CTDSPL2: variants seen among roughly 807,000 people sequenced by gnomAD.
CTDSPL2 encodes CTD small phosphatase-like protein 2.
A neutral mutation model predicts 60.0 loss-of-function variants in CTDSPL2; 5 were observed. The ratio of observed to expected loss-of-function variants is 0.08; its 90% CI spans 0.04 to 0.18. The LOEUF (loss-of-function observed/expected upper bound fraction) is 0.18, where lower values mean the gene tolerates loss of function less well. Ranked by LOEUF, CTDSPL2 falls within the 10% of genes least tolerant of loss-of-function variation. The probability of loss-of-function intolerance (pLI) is 1.00; values close to 1 mark genes in which losing one functional copy is unlikely to be tolerated. For synonymous variants in CTDSPL2, 186 were observed against 189.3 expected, an observed-to-expected ratio of 0.98 and a Z score of 0.14; for missense variants, 370 against 548.8, an observed-to-expected ratio of 0.67 and a Z score of 3.26.
At chr15:44,457,808 C>A (rs913677516) in intron 1 of CTDSPL2, among the ~76,000 whole-genome samples, 1 of 152,188 alleles carries the variant, frequency 6.6e-6, no homozygotes, top group Non-Finnish European at 1.5e-5. Flanking sequence ...GACAGGGTTT[C>A]TCCATGTTGG....
intron 1 of CTDSPL2, among the ~76,000 whole-genome samples, chr15:44,441,817 A>C (rs2080093718): frequency 6.6e-6 from 1 of 152,144 alleles, no homozygotes; most frequent in Non-Finnish European, 1.5e-5. Context: ...AACCCAGTTA[A>C]TTTAGAAGAA....
intron 8 of CTDSPL2, among the ~76,000 whole-genome samples, chr15:44,506,025 C>CTTTTTTTTTTTTTGTTTTTTTT: frequency 8.5e-6 from 1 of 117,580 alleles, no homozygotes; most frequent in East Asian, 2.7e-4. Flanking sequence ...TCATTGGTAA[C>CTTTTTTTTTTTTTGTTTTTTTT]TTTTTTTTTT....
chr15:44,472,511 G>T lies in CTDSPL2; in HGVS notation c.187-11713G>T, dbSNP rs557306000. Among the ~76,000 whole-genome samples, 5 of 146,934 alleles carry T rather than the reference G, an allele frequency of 3.4e-5. No individual in the cohort carries two copies. In the South Asian group the frequency reaches 1.1e-3, roughly 32 times the overall value. On this transcript the variant is annotated intron_variant, in intron 2 of 12. Coordinates refer to ENST00000260327, the MANE Select transcript of CTDSPL2 (RefSeq NM_016396.3). ...TAGAGAAATGTCTGGTATTTTAATT[G>T]TATTATTTTTATTATTGAATTGTAA...
chr15:44,452,440 G>A (rs918267778), intron 1 of CTDSPL2, among the ~76,000 whole-genome samples: 1 of 152,020 alleles, frequency 6.6e-6, no homozygotes, highest in Admixed American at 6.6e-5. Flanking sequence ...CTGTTTTGGG[G>A]CATTTTTGTT....
chr15:44,521,692 A>C (rs1233787925), intron 12 of CTDSPL2, among the ~76,000 whole-genome samples: 1 of 151,958 alleles, frequency 6.6e-6, no homozygotes, highest in African/African-American at 2.4e-5. Context: ...TAATCCCAGC[A>C]CTTTGGGAGG....
chr15:44,512,419 G>C (rs1034317278), intron 8 of CTDSPL2, among the ~76,000 whole-genome samples: 1 of 152,152 alleles, frequency 6.6e-6, no homozygotes, highest in Admixed American at 6.6e-5. Flanking sequence ...ACAAGTAAAA[G>C]GTTCTGATAG....
At chr15:44,430,228 A>G (rs2079829402) in intron 1 of CTDSPL2, among the ~76,000 whole-genome samples, 1 of 152,188 alleles carries the variant, frequency 6.6e-6, no homozygotes, top group Non-Finnish European at 1.5e-5. Flanking sequence ...CTGGATTTGT[A>G]GCTATAGATT....
intron 6 of CTDSPL2, 47 bp downstream of exon 6, chr15:44,496,505 G>T: frequency 3.6e-6 from 5 of 1,393,746 alleles, no homozygotes; most frequent in Non-Finnish European, 5.1e-6. Flanking sequence ...GGAGCATGAT[G>T]AGAGTACGTT....
chr15:44,514,687 T>C (rs1235825143), intron 9 of CTDSPL2, 27 bp downstream of exon 9: 2 of 1,558,244 alleles, frequency 1.3e-6, no homozygotes, highest in Admixed American at 1.7e-5. Context: ...TAATTACATA[T>C]GTATTTTTAT....
At chr15:44,469,955 G>T (rs188165265) in intron 2 of CTDSPL2, among the ~76,000 whole-genome samples, 4 of 151,870 alleles carry the variant, frequency 2.6e-5, no homozygotes, top group Non-Finnish European at 5.9e-5. Context: ...AAAATTAGCC[G>T]GGTGTGGTGG....
Position 44,525,209 on chromosome 15 carries a change from T to A in CTDSPL2, c.*1035T>A. 1 of 391,128 alleles carries A rather than the reference T, an allele frequency of 2.6e-6. No homozygotes were observed. The highest frequency in any genetic ancestry group is 2.1e-5 in the African/African-American group (1 of 48,626). 24.2% of individuals were successfully genotyped at this position (391,128 alleles called of 1,614,324 possible). A position where few individuals can be genotyped will look rare whatever the true frequency, so the allele number is the denominator to read the frequency against. On this transcript the variant is annotated 3_prime_UTR_variant, in exon 13 of 13. Transcript: ENST00000260327. ...GGCTGGTAGTACCTCTGTTATGCTC[T>A]CAGTTACAATCAATTTAAAACTGTA...
At chr15:44,495,258 C>T (rs1212258531) in intron 5 of CTDSPL2, among the ~76,000 whole-genome samples, 1 of 152,136 alleles carries the variant, frequency 6.6e-6, no homozygotes, top group African/African-American at 2.4e-5. Context: ...GCGCCCGCCA[C>T]CACTCCTGGC....
In CTDSPL2 at chr15:44,524,981, G is replaced by C. The variant is rs1473923215; in HGVS notation, c.*807G>C. On this transcript the variant is annotated 3_prime_UTR_variant, in exon 13 of 13. Coordinates refer to ENST00000260327, the MANE Select transcript of CTDSPL2 (RefSeq NM_016396.3). ...ACAAAAGATTTAAACCATTGTGATGGCGTATATTCTCAAATGGTAATATCT... is the reference window on the plus strand; with the variant it reads ...ACAAAAGATTTAAACCATTGTGATGCCGTATATTCTCAAATGGTAATATCT... 6.3e-6 allele frequency: 1 copy of C among 158,024 alleles called. No homozygotes were observed. The highest frequency in any genetic ancestry group is 2.4e-5 in the African/African-American group (1 of 41,706). The allele number at this position is 158,024 out of a possible 1,614,324, so 9.8% of individuals were successfully genotyped here.
intron 3 of CTDSPL2, 97 bp downstream of exon 3, chr15:44,484,459 G>T: frequency 8.5e-7 from 1 of 1,173,788 alleles, no homozygotes; most frequent in Non-Finnish European, 1.2e-6. Flanking sequence ...TTGAGGCCGG[G>T]TGCAGTGGCT....
chr15:44,453,995 T>C (rs1016409382), intron 1 of CTDSPL2, among the ~76,000 whole-genome samples: 3 of 152,304 alleles, frequency 2.0e-5, no homozygotes, highest in Non-Finnish European at 2.9e-5. Flanking sequence ...CTTGAGGAAT[T>C]GCCACACTGT....
In CTDSPL2 at chr15:44,525,806, A is replaced by G; in HGVS notation, c.*1632A>G. ...AGTTATGTCAATTTTCAGTGTATTA[A>G]TGAAGATTTTAACTTTTCATCAGGT... On this transcript the variant is annotated 3_prime_UTR_variant, in exon 13 of 13. Coordinates refer to ENST00000260327, the MANE Select transcript of CTDSPL2 (RefSeq NM_016396.3). The G allele has an allele frequency of 4.8e-6, 1 of 209,676 alleles. No homozygotes were observed. The highest frequency in any genetic ancestry group is 9.4e-6 in the Non-Finnish European group (1 of 106,210). The allele number at this position is 209,676 out of a possible 1,614,324, so 13.0% of individuals were successfully genotyped here.
chr15:44,477,017 A>G (rs9944172), intron 2 of CTDSPL2, among the ~76,000 whole-genome samples: 21,617 of 152,180 alleles, frequency 0.14, 2,429 homozygotes, highest in African/African-American at 0.31. Flanking sequence ...TGAGCCCAGG[A>G]TTTCGAGACC....
At chr15:44,467,199 T>G (rs985520704) in intron 2 of CTDSPL2, among the ~76,000 whole-genome samples, 1 of 152,246 alleles carries the variant, frequency 6.6e-6, no homozygotes, top group African/African-American at 2.4e-5. Context: ...TTCTAAATAC[T>G]GTTCTCCACT....
intron 1 of CTDSPL2, among the ~76,000 whole-genome samples, chr15:44,458,620 C>G (rs1021553242): frequency 6.6e-6 from 1 of 152,266 alleles, no homozygotes; most frequent in African/African-American, 2.4e-5. Flanking sequence ...TGGCCCAGTG[C>G]CTTGAATGTG....
Sources: allele counts gnomAD v4.1 joint callset (sites outside exome capture counted in the v4.1 genomes callset), GRCh38; gene constraint gnomAD v4.1.1; transcripts MANE v1.5; gene names NCBI Gene and HGNC (gene_info 2026-07-23, HGNC 2026-07-21).